Variants in SARNP observed in about 807,000 individuals in gnomAD.
SARNP encodes the protein SAP domain-containing ribonucleoprotein.
Under a neutral mutation model 38.1 loss-of-function variants are expected in SARNP, and 5 were observed. The observed-to-expected ratio is 0.13, with a 90% CI of 0.07 to 0.28. The LOEUF (loss-of-function observed/expected upper bound fraction) is 0.28, where lower values mean the gene tolerates loss of function less well. Among genes scored for constraint, SARNP ranks in the 10% least tolerant of loss-of-function variants. SARNP has a pLI of 1.00. For missense variants in SARNP, 180 were observed against 243.9 expected, an observed-to-expected ratio of 0.74 and a Z score of 1.75; for synonymous variants, 84 against 80.6, an observed-to-expected ratio of 1.04 and a Z score of -0.23.
At chr12:55,757,695 G>T (rs1461913098) in intron 10 of SARNP, 142 bp from the exon 11 acceptor site, 2 of 590,346 alleles carry the variant, frequency 3.4e-6, no homozygotes, top group South Asian at 2.2e-5. Context: ...GGTAGCTAGA[G>T]ATTTCATTCC....
intron 1 of SARNP, among the ~76,000 whole-genome samples, chr12:55,815,683 C>G (rs1427215569): frequency 6.6e-6 from 1 of 151,998 alleles, no homozygotes; most frequent in African/African-American, 2.4e-5. Flanking sequence ...AGGCTGGTCT[C>G]GAACTCCTGG....
At chr12:55,809,895 G>A (rs140955140) in intron 1 of SARNP, among the ~76,000 whole-genome samples, 3 of 152,332 alleles carry the variant, frequency 2.0e-5, no homozygotes, top group Non-Finnish European at 4.4e-5. Flanking sequence ...TTGAATCTGA[G>A]AAGAGGAAGC....
intron 1 of SARNP, among the ~76,000 whole-genome samples, chr12:55,805,058 T>A (rs969681078): frequency 6.7e-6 from 1 of 149,330 alleles, no homozygotes; most frequent in Non-Finnish European, 1.5e-5. Flanking sequence ...GGTTAGAAGA[T>A]CGAGACCATC....
At chr12:55,803,409 G>A (rs368235412) in intron 2 of SARNP, among the ~76,000 whole-genome samples, 2 of 151,826 alleles carry the variant, frequency 1.3e-5, no homozygotes, top group African/African-American at 4.8e-5. Context: ...GGTTGAAGCC[G>A]GGAGACAGAG....
intron 9 of SARNP, among the ~76,000 whole-genome samples, chr12:55,773,749 C>T (rs1328067146): frequency 6.6e-6 from 1 of 152,136 alleles, no homozygotes; most frequent in African/African-American, 2.4e-5. Context: ...TTGCTCTTGT[C>T]GCCCAGGCTG....
At chr12:55,760,448 A>G (rs1026248132) in intron 10 of SARNP, 103 bp downstream of exon 10, 8 of 645,750 alleles carry the variant, frequency 1.2e-5, no homozygotes, top group Middle Eastern at 3.0e-4. Flanking sequence ...AAATAAGTAA[A>G]TAAATAAATA....
chr12:55,782,330 C>T (rs555038583), intron 9 of SARNP, among the ~76,000 whole-genome samples: 2 of 152,250 alleles, frequency 1.3e-5, no homozygotes, highest in South Asian at 2.1e-4. Context: ...CTGCTTAGTG[C>T]CTGGGATTAG....
chr12:55,810,643 G>T (rs1325210965), intron 1 of SARNP, among the ~76,000 whole-genome samples: 1 of 151,646 alleles, frequency 6.6e-6, no homozygotes, highest in Non-Finnish European at 1.5e-5. Flanking sequence ...AGAAGAGATG[G>T]GATTTCACCA....
intron 9 of SARNP, among the ~76,000 whole-genome samples, chr12:55,781,513 A>C (rs1879339108): frequency 6.6e-6 from 1 of 151,092 alleles, no homozygotes; most frequent in Non-Finnish European, 1.5e-5. Context: ...CAGCCTGGGC[A>C]AAAGAGCGAA....
downstream of SARNP, chr12:55,754,962 G>C (rs529524284): frequency 6.6e-6 from 1 of 152,294 alleles, no homozygotes; most frequent in South Asian, 2.1e-4. Context: ...AAGGGAAAGA[G>C]ATAACAAGAA....
intron 4 of SARNP, among the ~76,000 whole-genome samples, chr12:55,797,040 A>T (rs934601360): frequency 3.9e-5 from 6 of 152,294 alleles, no homozygotes; most frequent in Middle Eastern, 3.4e-3. Context: ...GAAGGGCATT[A>T]ACCCTCCACC....
chr12:55,777,312 G>C (rs1204975890), intron 9 of SARNP, among the ~76,000 whole-genome samples: 1 of 152,046 alleles, frequency 6.6e-6, no homozygotes, highest in African/African-American at 2.4e-5. Flanking sequence ...CACCAGCCAT[G>C]AATGTTGACA....
At chr12:55,809,625 C>T (rs963164109) in intron 1 of SARNP, among the ~76,000 whole-genome samples, 1 of 151,940 alleles carries the variant, frequency 6.6e-6, no homozygotes, top group African/African-American at 2.4e-5. Flanking sequence ...CACTTGTAGT[C>T]CTAGCTACTC....
chr12:55,759,220 T>C (rs780199653), intron 10 of SARNP, among the ~76,000 whole-genome samples: 4 of 152,204 alleles, frequency 2.6e-5, no homozygotes, highest in Non-Finnish European at 5.9e-5. Context: ...TTGAGTCCAC[T>C]GTCCTTTTCC....
intron 9 of SARNP, chr12:55,760,901 G>A: frequency 2.8e-6 from 1 of 358,780 alleles, no homozygotes; most frequent in Non-Finnish European, 5.0e-6. Context: ...AAGAGGCCGG[G>A]CACGGTGACT....
In SARNP at chr12:55,817,589, T is replaced by C. The variant is rs1256514207; in HGVS notation, c.36+77A>G. On this transcript the variant is annotated intron_variant, in intron 1 of 10. Transcript: ENST00000336133. Reference sequence around the variant, plus strand: ...TGGAAAAGGCTGCACGGAGAAGACGTAGGAGAAGGCGCAAGCTACCCTGTA... The same window carrying C: ...TGGAAAAGGCTGCACGGAGAAGACGCAGGAGAAGGCGCAAGCTACCCTGTA... 17 of 1,390,250 alleles carry C rather than the reference T, an allele frequency of 1.2e-5. No homozygotes were observed. The East Asian group carries it at 1.7e-4, about 14-fold the overall frequency. 86.1% of individuals were successfully genotyped at this position (1,390,250 alleles called of 1,614,324 possible).
intron 9 of SARNP, among the ~76,000 whole-genome samples, chr12:55,779,317 C>T (rs573109464): frequency 3.2e-4 from 49 of 152,286 alleles, no homozygotes; most frequent in African/African-American, 1.1e-3. Context: ...AGGGAGCCTA[C>T]GTTGAGTTTT....
chr12:55,776,438 C>T lies in SARNP; in HGVS notation c.501+12637G>A, dbSNP rs145151830. Among the ~76,000 whole-genome samples, 465 of 152,046 alleles carry T rather than the reference C, an allele frequency of 3.1e-3. 4 individuals carry two copies. The highest frequency in any genetic ancestry group is 0.01 in the African/African-American group (434 of 41,510). On this transcript the variant is annotated intron_variant, in intron 9 of 10. Coordinates refer to ENST00000336133, the MANE Select transcript of SARNP (RefSeq NM_033082.4). ...CCACATCTTTAAAAACAAAACAAAACAAAAAAATAGCATAGTATTTGCATA... is the reference window on the plus strand; with the variant it reads ...CCACATCTTTAAAAACAAAACAAAATAAAAAAATAGCATAGTATTTGCATA...
At chr12:55,776,932 CTT>C (rs1879199045) in intron 9 of SARNP, among the ~76,000 whole-genome samples, 2 of 152,190 alleles carry the variant, frequency 1.3e-5, no homozygotes, top group African/African-American at 4.8e-5. Context: ...GTAAAACAGA[CTT>C]AACAGAATCC....
Sources: allele counts gnomAD v4.1 joint callset (sites outside exome capture counted in the v4.1 genomes callset), GRCh38; gene constraint gnomAD v4.1.1; transcripts MANE v1.5; gene names NCBI Gene and HGNC (gene_info 2026-07-23, HGNC 2026-07-21).